The following AASDHPPT variants were observed in gnomAD, a reference collection of about 807,000 sequenced individuals.
AASDHPPT encodes the protein aminoadipate-semialdehyde dehydrogenase-phosphopantetheinyl transferase.
AASDHPPT carries 23 observed loss-of-function variants against 36.4 expected under a neutral mutation model. That is an observed-to-expected ratio of 0.63 (90% CI 0.45 to 0.89). AASDHPPT has a LOEUF of 0.89. Ranked by LOEUF, AASDHPPT falls within the 40% of genes least tolerant of loss-of-function variation. AASDHPPT has a pLI of 0.00. For synonymous variants in AASDHPPT, 115 were observed against 128.0 expected, an observed-to-expected ratio of 0.90 and a Z score of 0.68; for missense variants, 377 against 378.2, an observed-to-expected ratio of 1.00 and a Z score of 0.03.
chr11:106,083,766 A>C (rs1408268032), intron 2 of AASDHPPT, among the ~76,000 whole-genome samples: 3 of 152,176 alleles, frequency 2.0e-5, no homozygotes, highest in African/African-American at 7.2e-5. Context: ...AATTTGGAGG[A>C]ATTAGAAATT....
chr11:106,079,390 A>G, intron 1 of AASDHPPT, 77 bp from the exon 2 acceptor site: 2 of 1,278,584 alleles, frequency 1.6e-6, no homozygotes, highest in Non-Finnish European at 2.1e-6. Flanking sequence ...GAAACCAAAA[A>G]AAAGTACTAT....
At chr11:106,095,655 A>G (rs1261260899) in intron 5 of AASDHPPT, 1 of 152,220 alleles carries the variant, frequency 6.6e-6, no homozygotes, top group Non-Finnish European at 1.5e-5. Flanking sequence ...CATGATCAAT[A>G]TATATGCATC....
At chr11:106,084,609 C>G (rs1474136040) in intron 2 of AASDHPPT, among the ~76,000 whole-genome samples, 2 of 151,564 alleles carry the variant, frequency 1.3e-5, no homozygotes, top group Non-Finnish European at 2.9e-5. Flanking sequence ...CAGCCAATAT[C>G]ACATCATAGA....
chr11:106,098,271 G>A lies in AASDHPPT; in HGVS notation c.*1364G>A, dbSNP rs933658327. 23 of 152,006 alleles carry A rather than the reference G, an allele frequency of 1.5e-4. No individual in the cohort carries two copies. The highest frequency in any genetic ancestry group is 1.1e-3 in the Admixed American group (16 of 15,234). The allele number at this position is 152,006 out of a possible 1,614,324, so 9.4% of individuals were successfully genotyped here. A position where few individuals can be genotyped will look rare whatever the true frequency, so the allele number is the denominator to read the frequency against. ...TTTCGTATTCCTCTTAACGTGAACCGTCTGTTCATTGTTTTTACCTGTTTT... is the reference window on the plus strand; with the variant it reads ...TTTCGTATTCCTCTTAACGTGAACCATCTGTTCATTGTTTTTACCTGTTTT... On this transcript the variant is annotated 3_prime_UTR_variant, in exon 6 of 6. Transcript: ENST00000278618.
At chr11:106,091,077 T>C (rs76724662) in intron 3 of AASDHPPT, among the ~76,000 whole-genome samples, 1 of 152,020 alleles carries the variant, frequency 6.6e-6, no homozygotes, top group African/African-American at 2.4e-5. Flanking sequence ...GAGGAAGGTA[T>C]TGTTATCATC....
intron 1 of AASDHPPT, among the ~76,000 whole-genome samples, chr11:106,078,632 A>G (rs1049769714): frequency 1.3e-5 from 2 of 152,218 alleles, no homozygotes; most frequent in Non-Finnish European, 2.9e-5. Flanking sequence ...AATGTAGACT[A>G]GTTGATAATT....
intron 2 of AASDHPPT, among the ~76,000 whole-genome samples, chr11:106,085,475 TTAAAA>T (rs10573126): frequency 0.082 from 12,561 of 152,280 alleles, 589 homozygotes; most frequent in Middle Eastern, 0.12. Context: ...CTTTTGAAGC[TTAAAA>T]TAATAAACCA....
intron 2 of AASDHPPT, 23 bp downstream of exon 2, chr11:106,079,715 TGGC>T (rs762375842): frequency 4.1e-5 from 65 of 1,597,982 alleles, no homozygotes; most frequent in Non-Finnish European, 5.4e-5. Flanking sequence ...TTTTCTAGTA[TGGC>T]AGTTAAGTGT....
intron 4 of AASDHPPT, chr11:106,092,662 C>T (rs1007406712): frequency 1.3e-5 from 2 of 151,982 alleles, no homozygotes; most frequent in African/African-American, 4.8e-5. Context: ...ATATGGTCCC[C>T]AGTTTATGAT....
At chr11:106,089,627 A>G (rs943819464) in intron 2 of AASDHPPT, 2 of 152,042 alleles carry the variant, frequency 1.3e-5, no homozygotes, top group African/African-American at 4.8e-5. Flanking sequence ...ATTTGTGTAA[A>G]TATTTATACA....
chr11:106,096,850 TTGGGAC>T lies in AASDHPPT; in HGVS notation c.876_881del (p.Trp292_Asp293del). On this transcript the variant is annotated inframe_deletion, in exon 6 of 6. Transcript: ENST00000278618. ...CCATGACACCTGAAGATCCTTCATT[TTGGGAC>T]TGTTTTTGCTTCACAGAAGAAATTC... 6.2e-7 allele frequency: 1 copy of T among 1,612,098 alleles called. No homozygotes were observed.
At chr11:106,086,793 A>T (rs7930928) in intron 2 of AASDHPPT, among the ~76,000 whole-genome samples, 143,645 of 152,236 alleles carry the variant, frequency 0.94, 68,261 homozygotes, top group Non-Finnish European at 1. Flanking sequence ...TCTTCTAAAA[A>T]TCAGTGGTAG....
chr11:106,096,985 T>A lies in AASDHPPT; in HGVS notation c.*78T>A. The A allele has an allele frequency of 7.4e-7, 1 of 1,356,050 alleles. No homozygotes were observed. Among genetic ancestry groups the A allele is most frequent in the Non-Finnish European group, 9.8e-7 (1 of 1,021,900 alleles). The allele number at this position is 1,356,050 out of a possible 1,614,324, so 84.0% of individuals were successfully genotyped here. A position where few individuals can be genotyped will look rare whatever the true frequency, so the allele number is the denominator to read the frequency against. On this transcript the variant is annotated 3_prime_UTR_variant, in exon 6 of 6. Transcript: ENST00000278618. ...CACTGAAAAATAAATGCTTGTTTAG[T>A]ATCAAATTTTATTTCACGAAAGTTT... is the stretch of plus-strand genomic sequence containing the variant.
intron 2 of AASDHPPT, among the ~76,000 whole-genome samples, chr11:106,085,295 G>A (rs1324706849): frequency 6.6e-6 from 1 of 151,896 alleles, no homozygotes; most frequent in Non-Finnish European, 1.5e-5. Context: ...TAGAGATGGG[G>A]TTTCACTGTG....
At chr11:106,088,342 C>G (rs1248788325) in intron 2 of AASDHPPT, among the ~76,000 whole-genome samples, 15 of 151,848 alleles carry the variant, frequency 9.9e-5, no homozygotes, top group Admixed American at 9.9e-4. Flanking sequence ...AAGAAAGCAG[C>G]AAGCAGAATG....
At chr11:106,083,301 C>T (rs1248691032) in intron 2 of AASDHPPT, among the ~76,000 whole-genome samples, 2 of 152,216 alleles carry the variant, frequency 1.3e-5, no homozygotes, top group Middle Eastern at 3.4e-3. Context: ...AAGACTAGTG[C>T]GTAAGTACTA....
chr11:106,083,002 A>G (rs1268986062), intron 2 of AASDHPPT, among the ~76,000 whole-genome samples: 1 of 152,128 alleles, frequency 6.6e-6, no homozygotes, highest in Non-Finnish European at 1.5e-5. Context: ...ATGGTTTTAC[A>G]TGTTCGTCTT....
Position 106,079,470 on chromosome 11 carries a change from G to A in AASDHPPT, c.187G>A (p.Gly63Ser). The A allele has an allele frequency of 6.2e-7, 1 of 1,603,452 alleles. No individual in the cohort carries two copies. ...AAATGTTTTATGTACTTAACAGGCT[G>A]GTCGTCTGATGATAAGGAAATTAGT... ...FARDAKAAMA[G>S]RLMIRKLVAE... The change falls in exon 2 of 6, where the codon GGT becomes AGT. Residue 63 changes from glycine (G) to serine (S), a missense_variant. Gly to Ser is a moderately conservative substitution (Grantham distance 56). Coordinates refer to ENST00000278618, the MANE Select transcript of AASDHPPT (RefSeq NM_015423.3).
chr11:106,090,796 T>C (rs1861247886), intron 3 of AASDHPPT, 118 bp downstream of exon 3: 2 of 1,345,958 alleles, frequency 1.5e-6, no homozygotes, highest in Admixed American at 2.8e-5. Flanking sequence ...AAATGGGTGA[T>C]TGCTTGAGAA....
Sources: gnomAD v4.1 joint callset for allele counts (sites outside exome capture counted in the v4.1 genomes callset) on GRCh38, gnomAD v4.1.1 for gene constraint, MANE v1.5 for transcripts, NCBI Gene and HGNC (gene_info 2026-07-23, HGNC 2026-07-21) for gene names.